Variants in BTF3L4 observed in about 807,000 individuals in gnomAD.
BTF3L4 encodes basic transcription factor 3 like 4.
BTF3L4 carries 6 observed loss-of-function variants against 16.8 expected under a neutral mutation model. The observed-to-expected ratio is 0.36, with a 90% confidence interval of 0.20 to 0.71. The LOEUF is 0.71. Among genes scored for constraint, BTF3L4 ranks in the 30% least tolerant of loss-of-function variants. The probability of loss-of-function intolerance (pLI) is 0.58; values close to 1 mark genes in which losing one functional copy is unlikely to be tolerated. For missense variants in BTF3L4, 92 were observed against 186.9 expected, an observed-to-expected ratio of 0.49 and a Z score of 2.96; for synonymous variants, 39 against 59.8, an observed-to-expected ratio of 0.65 and a Z score of 1.60.
intron 3 of BTF3L4, among the ~76,000 whole-genome samples, chr1:52,070,933 C>T (rs1367983151): frequency 1.3e-5 from 2 of 152,166 alleles, no homozygotes; most frequent in African/African-American, 4.8e-5. Flanking sequence ...GCCACTGCGC[C>T]TGGCCAATAA....
intron 4 of BTF3L4, among the ~76,000 whole-genome samples, chr1:52,084,034 A>G (rs968271483): frequency 1.3e-5 from 2 of 152,276 alleles, no homozygotes. Context: ...AAAAAAAAAA[A>G]AGAATATTCG....
At chr1:52,074,198 T>G (rs1292702418) in intron 3 of BTF3L4, among the ~76,000 whole-genome samples, 1 of 151,776 alleles carries the variant, frequency 6.6e-6, no homozygotes, top group Non-Finnish European at 1.5e-5. Flanking sequence ...TGGTTTTTTT[T>G]GTTTGTTTTT....
At chr1:52,061,880 G>T (rs184350937) in intron 2 of BTF3L4, among the ~76,000 whole-genome samples, 1 of 151,558 alleles carries the variant, frequency 6.6e-6, no homozygotes, top group Admixed American at 6.6e-5. Flanking sequence ...GACCTCAGGT[G>T]ATCTGCCCAT....
chr1:52,085,210 A>G (rs1291961371), intron 4 of BTF3L4, among the ~76,000 whole-genome samples: 1 of 151,334 alleles, frequency 6.6e-6, no homozygotes, highest in East Asian at 2.0e-4. Context: ...TAGTAGAGAC[A>G]GGGTTTCACC....
At chr1:52,060,512 A>G in intron 2 of BTF3L4, 1 of 1,258,928 alleles carries the variant, frequency 7.9e-7, no homozygotes, top group Non-Finnish European at 1.0e-6. Context: ...TTTAAAGCCT[A>G]AGGAAGAACT....
At chr1:52,068,983 TTC>T (rs1472022721) in intron 3 of BTF3L4, among the ~76,000 whole-genome samples, 1 of 152,208 alleles carries the variant, frequency 6.6e-6, no homozygotes, top group Non-Finnish European at 1.5e-5. Context: ...ATATTGTGAA[TTC>T]TTTTTTGTTA....
chr1:52,085,165 C>T (rs3015305), intron 4 of BTF3L4, among the ~76,000 whole-genome samples: 11,788 of 150,716 alleles, frequency 0.078, 1,315 homozygotes, highest in African/African-American at 0.24. Context: ...GGATTACAGG[C>T]GCCCGCCACT....
intron 1 of BTF3L4, among the ~76,000 whole-genome samples, chr1:52,057,571 A>G (rs1686404258): frequency 6.6e-6 from 1 of 152,210 alleles, no homozygotes; most frequent in Non-Finnish European, 1.5e-5. Flanking sequence ...GATAGGAATG[A>G]TGGGTGCAAT....
intron 2 of BTF3L4, among the ~76,000 whole-genome samples, chr1:52,063,827 T>C (rs1251001219): frequency 6.6e-6 from 1 of 152,224 alleles, no homozygotes; most frequent in Non-Finnish European, 1.5e-5. Flanking sequence ...ATGTGGTCTC[T>C]TGTGAGAATC....
At chr1:52,072,002 T>A (rs1293068356) in intron 3 of BTF3L4, among the ~76,000 whole-genome samples, 2 of 147,976 alleles carry the variant, frequency 1.4e-5, no homozygotes, top group Non-Finnish European at 3.0e-5. Flanking sequence ...TATCACAAAA[T>A]TTGCCATTTT....
intron 3 of BTF3L4, among the ~76,000 whole-genome samples, chr1:52,082,300 A>C (rs1643931923): frequency 6.6e-6 from 1 of 152,204 alleles, no homozygotes; most frequent in Non-Finnish European, 1.5e-5. Context: ...ATATTGGTGA[A>C]AGTTATGGAA....
chr1:52,066,839 C>T (rs1006421354), intron 3 of BTF3L4, among the ~76,000 whole-genome samples: 3 of 151,278 alleles, frequency 2.0e-5, no homozygotes, highest in African/African-American at 7.3e-5. Flanking sequence ...GAGCGAGACT[C>T]CATCTCAAAA....
At position 52,086,881 on chromosome 1, in the gene BTF3L4, T is replaced by C. The variant is rs1643977348; in HGVS notation, c.*123T>C. 1 of 498,032 alleles carries C rather than the reference T, an allele frequency of 2.0e-6. No homozygotes were observed. The highest frequency in any genetic ancestry group is 5.1e-5 in the South Asian group (1 of 19,666). The allele number at this position is 498,032 out of a possible 1,614,324, so 30.9% of individuals were successfully genotyped here. ...TCAGTAATATAAATATTTTGTATAT[T>C]AATAATGCTGTTTGTTCAGCATTTT... On this transcript the variant is annotated 3_prime_UTR_variant, in exon 6 of 6. Coordinates refer to ENST00000313334, the MANE Select transcript of BTF3L4 (RefSeq NM_152265.5).
At chr1:52,060,684 G>A (rs1307817360) in intron 2 of BTF3L4, 3 of 980,602 alleles carry the variant, frequency 3.1e-6, no homozygotes, top group Non-Finnish European at 3.8e-6. Flanking sequence ...ACTTTTTGTA[G>A]TGGGTCCCAC....
chr1:52,086,619 T>C, intron 5 of BTF3L4, 93 bp from the exon 6 acceptor site: 1 of 731,550 alleles, frequency 1.4e-6, no homozygotes, highest in Non-Finnish European at 2.2e-6. Flanking sequence ...TGTACTAATT[T>C]TATTTTTTCG....
At chr1:52,068,929 C>G (rs1349652479) in intron 3 of BTF3L4, among the ~76,000 whole-genome samples, 1 of 152,174 alleles carries the variant, frequency 6.6e-6, no homozygotes, top group Non-Finnish European at 1.5e-5. Flanking sequence ...TGTATGCCTC[C>G]ACAATGCCCT....
chr1:52,081,204 C>G (rs1349094385), intron 3 of BTF3L4, among the ~76,000 whole-genome samples: 1 of 58,854 alleles, frequency 1.7e-5, no homozygotes, highest in African/African-American at 2.8e-5. Flanking sequence ...GTGGTGCGAT[C>G]TCACCTTACT....
At chr1:52,076,688 A>C (rs1406768195) in intron 3 of BTF3L4, among the ~76,000 whole-genome samples, 1 of 152,234 alleles carries the variant, frequency 6.6e-6, no homozygotes, top group African/African-American at 2.4e-5. Context: ...TGATAGCGTA[A>C]GCTTTAGCTT....
At chr1:52,075,523 TAA>T (rs71041887) in intron 3 of BTF3L4, among the ~76,000 whole-genome samples, 3 of 115,678 alleles carry the variant, frequency 2.6e-5, no homozygotes, top group Non-Finnish European at 5.4e-5. Context: ...AGACTACGTC[TAA>T]AAAAAAAAAA....
Sources: gnomAD v4.1 joint callset for allele counts (sites outside exome capture counted in the v4.1 genomes callset) on GRCh38, gnomAD v4.1.1 for gene constraint, MANE v1.5 for transcripts, NCBI Gene and HGNC (gene_info 2026-07-23, HGNC 2026-07-21) for gene names.